RARB: variants seen among roughly 807,000 people sequenced by gnomAD.
RARB encodes the protein HBV-activated protein.
RARB carries 17 observed loss-of-function variants against 51.9 expected under a neutral mutation model. The ratio of observed to expected loss-of-function variants is 0.33; its 90% CI spans 0.22 to 0.49. The LOEUF (loss-of-function observed/expected upper bound fraction) is 0.49. RARB is among the 20% of genes least tolerant of loss of function. The pLI, the probability that RARB is intolerant of heterozygous loss-of-function variation, is 0.99. For synonymous variants in RARB, 215 were observed against 195.4 expected, an observed-to-expected ratio of 1.10 and a Z score of -0.84; for missense variants, 369 against 550.8, an observed-to-expected ratio of 0.67 and a Z score of 3.30.
chr3:25,416,865 A>T (rs1707719415), intron 5 of RARB, among the ~76,000 whole-genome samples: 1 of 152,190 alleles, frequency 6.6e-6, no homozygotes, highest in Non-Finnish European at 1.5e-5. Context: ...ACTGTGGGTC[A>T]CAATAGCCTC....
At chr3:25,099,883 C>T (rs1166552049) in intron 3 of RARB, among the ~76,000 whole-genome samples, 1 of 152,154 alleles carries the variant, frequency 6.6e-6, no homozygotes, top group African/African-American at 2.4e-5. Flanking sequence ...GCAGGAAAGC[C>T]ATGGGAAGAC....
chr3:25,498,179 A>C (rs1418118041), intron 2 of RARB, among the ~76,000 whole-genome samples: 1 of 152,208 alleles, frequency 6.6e-6, no homozygotes, highest in Non-Finnish European at 1.5e-5. Context: ...TTTCCACTTT[A>C]AATAGTGTCA....
intron 5 of RARB, among the ~76,000 whole-genome samples, chr3:25,262,839 C>T (rs1467346676): frequency 6.6e-6 from 1 of 152,148 alleles, no homozygotes; most frequent in African/African-American, 2.4e-5. Flanking sequence ...TTCTGCCTGT[C>T]ACAATATCTC....
intron 4 of RARB, among the ~76,000 whole-genome samples, 161 bp from the exon 5 acceptor site, chr3:25,580,385 A>G (rs1356071413): frequency 6.6e-6 from 1 of 152,222 alleles, no homozygotes; most frequent in Non-Finnish European, 1.5e-5. Context: ...CACACACAAA[A>G]AAAGGATGAA....
chr3:25,475,124 G>A (rs1242831268), intron 2 of RARB, among the ~76,000 whole-genome samples: 5 of 152,170 alleles, frequency 3.3e-5, no homozygotes, highest in African/African-American at 1.2e-4. Flanking sequence ...CTGTTAGAGA[G>A]TTCACAGGAT....
At chr3:25,502,884 T>A (rs1697388106) in intron 3 of RARB, among the ~76,000 whole-genome samples, 1 of 152,232 alleles carries the variant, frequency 6.6e-6, no homozygotes, top group Non-Finnish European at 1.5e-5. Flanking sequence ...ATTGAATTAC[T>A]GAACCAGCCA....
Position 24,884,962 on chromosome 3 carries a change from G to A in RARB, c.-380+26210G>A, listed in dbSNP as rs868066216. On this transcript the variant is annotated intron_variant, in intron 2 of 11. Transcript: ENST00000383772. ...CCACACTCTCATAGATAACAACTGC[G>A]TATTCAAAAAAGAAAAGGCAGGATG... Among the ~76,000 whole-genome samples the A allele has an allele frequency of 1.2e-4, 18 of 152,120 alleles. No individual in the cohort carries two copies. The East Asian group carries it at 1.7e-3, about 15-fold the overall frequency.
intron 2 of RARB, among the ~76,000 whole-genome samples, chr3:25,473,304 T>TG (rs1365695560): frequency 6.6e-6 from 1 of 150,420 alleles, no homozygotes; most frequent in African/African-American, 2.4e-5. Flanking sequence ...AACTCATCCC[T>TG]GAAAAAAAAA....
intron 2 of RARB, among the ~76,000 whole-genome samples, chr3:25,002,573 T>C (rs958244825): frequency 1.3e-5 from 2 of 152,112 alleles, no homozygotes; most frequent in African/African-American, 4.8e-5. Flanking sequence ...TTATAGAAAA[T>C]AGAGTTGCGT....
intron 2 of RARB, among the ~76,000 whole-genome samples, chr3:24,987,862 CAATT>C (rs1696828336): frequency 2.0e-5 from 3 of 152,124 alleles, no homozygotes; most frequent in African/African-American, 7.2e-5. Flanking sequence ...TATGCACGCA[CAATT>C]ACATATACGC....
intron 3 of RARB, among the ~76,000 whole-genome samples, chr3:25,537,714 T>G (rs973592746): frequency 6.6e-6 from 1 of 152,222 alleles, no homozygotes; most frequent in South Asian, 2.1e-4. Flanking sequence ...TACGACTCTC[T>G]TCTTGAATGC....
chr3:25,272,833 G>A (rs1703285822), intron 5 of RARB, among the ~76,000 whole-genome samples: 1 of 152,200 alleles, frequency 6.6e-6, no homozygotes, highest in Non-Finnish European at 1.5e-5. Flanking sequence ...TTGCTGACTA[G>A]TTGTGTAACT....
At chr3:25,163,504 A>AAAAAAAAAAAAAAAAATAT (rs1303712411) in intron 4 of RARB, among the ~76,000 whole-genome samples, 2 of 131,096 alleles carry the variant, frequency 1.5e-5, no homozygotes, top group African/African-American at 6.4e-5. Context: ...CCTATCTCAA[A>AAAAAAAAAAAAAAAAATAT]ATATATATAT....
chr3:25,331,739 G>A (rs1704902900), intron 5 of RARB, among the ~76,000 whole-genome samples: 1 of 152,082 alleles, frequency 6.6e-6, no homozygotes, highest in South Asian at 2.1e-4. Context: ...TCCAGGAGCT[G>A]GTTTTTTGGA....
At chr3:24,841,786 G>T (rs1401601702) in intron 1 of RARB, among the ~76,000 whole-genome samples, 2 of 152,054 alleles carry the variant, frequency 1.3e-5, no homozygotes, top group Admixed American at 6.5e-5. Context: ...AAGAATAATA[G>T]ATGTGCAAGG....
chr3:24,938,990 G>GTTT (rs386396166), intron 2 of RARB, among the ~76,000 whole-genome samples: 2 of 143,466 alleles, frequency 1.4e-5, no homozygotes, highest in Admixed American at 7.0e-5. Flanking sequence ...TTTTGTTGTT[G>GTTT]TTTTTTTTTT....
intron 3 of RARB, among the ~76,000 whole-genome samples, chr3:25,078,534 A>ATTTTTTTTTTTTTTTTTTTTTTTTT (rs56349106): frequency 3.5e-5 from 5 of 141,292 alleles, no homozygotes; most frequent in Non-Finnish European, 3.0e-5. Context: ...CCAACTTTCT[A>ATTTTTTTTTTTTTTTTTTTTTTTTT]TTTTTTTTTT....
At chr3:25,122,595 C>G (rs1699801578) in intron 3 of RARB, among the ~76,000 whole-genome samples, 1 of 152,098 alleles carries the variant, frequency 6.6e-6, no homozygotes, top group African/African-American at 2.4e-5. Flanking sequence ...GACAAGTTAG[C>G]TCTCTTGAAG....
chr3:25,402,949 G>A (rs898345740), intron 5 of RARB, among the ~76,000 whole-genome samples: 1 of 152,066 alleles, frequency 6.6e-6, no homozygotes, highest in Non-Finnish European at 1.5e-5. Context: ...CCGATCATGA[G>A]GTCAGGAGTT....
Sources: allele counts gnomAD v4.1 joint callset (sites outside exome capture counted in the v4.1 genomes callset), GRCh38; gene constraint gnomAD v4.1.1; transcripts MANE v1.5; gene names NCBI Gene and HGNC (gene_info 2026-07-23, HGNC 2026-07-21).